The following TMEM268 variants were observed in gnomAD, a reference collection of about 807,000 sequenced individuals.
TMEM268 encodes transmembrane protein C9orf91.
A neutral mutation model predicts 39.1 loss-of-function variants in TMEM268; 24 were observed. The ratio of observed to expected loss-of-function variants is 0.61; its 90% CI spans 0.44 to 0.86. The LOEUF (loss-of-function observed/expected upper bound fraction) is 0.86, where lower values mean the gene tolerates loss of function less well. Ranked by LOEUF, TMEM268 falls within the 40% of genes least tolerant of loss-of-function variation. The pLI is 0.00. For synonymous variants in TMEM268, 176 were observed against 173.5 expected (o/e 1.01, Z -0.12); for missense variants, 409 against 428.6 (o/e 0.95, Z 0.40).
At chr9:114,639,123 G>A (rs973272209) in intron 8 of TMEM268, among the ~76,000 whole-genome samples, 1 of 151,980 alleles carries the variant, frequency 6.6e-6, no homozygotes, top group Non-Finnish European at 1.5e-5. Context: ...CAGTTAGACA[G>A]TTGACTCTTC....
chr9:114,624,635 C>T (rs748288427), intron 3 of TMEM268, among the ~76,000 whole-genome samples, 176 bp downstream of exon 3: 2 of 152,224 alleles, frequency 1.3e-5, no homozygotes, highest in Non-Finnish European at 2.9e-5. Context: ...GGTTAACTCA[C>T]TTAACAAATG....
intron 1 of TMEM268, among the ~76,000 whole-genome samples, chr9:114,612,082 G>GC (rs1845523083): frequency 6.6e-6 from 1 of 152,112 alleles, no homozygotes; most frequent in Non-Finnish European, 1.5e-5. Context: ...AGGTTTTTCC[G>GC]CCCCGAAACT....
intron 2 of TMEM268, among the ~76,000 whole-genome samples, chr9:114,621,278 G>A (rs1845934708): frequency 6.6e-6 from 1 of 151,772 alleles, no homozygotes; most frequent in Admixed American, 6.6e-5. Context: ...CTTGGGAGGT[G>A]GAGGTTGCAG....
At chr9:114,629,164 C>T (rs1399354358) in intron 5 of TMEM268, among the ~76,000 whole-genome samples, 1 of 152,204 alleles carries the variant, frequency 6.6e-6, no homozygotes, top group Non-Finnish European at 1.5e-5. Context: ...TGTTGGTTTT[C>T]CAAAGCTGCT....
In TMEM268 at chr9:114,626,934, T is replaced by C; in HGVS notation, c.252T>C (p.Ser84=). The part of the protein sequence containing the change: ...PADQYRSLAE[S]ALLEPQVRRY... Reference sequence around the variant, plus strand: ...ACCAGTACAGGAGCTTGGCTGAGAGTGCCCTCTTGGAGCCCCAAGTGAGAA... The same window carrying C: ...ACCAGTACAGGAGCTTGGCTGAGAGCGCCCTCTTGGAGCCCCAAGTGAGAA... Residue 84 remains serine (S), a synonymous_variant, in exon 4 of 9, where the codon AGT becomes AGC. Coordinates refer to ENST00000288502, the MANE Select transcript of TMEM268 (RefSeq NM_153045.4). 2 of 1,613,664 alleles carry C rather than the reference T, an allele frequency of 1.2e-6. No homozygotes were observed. Among genetic ancestry groups the C allele is most frequent in the South Asian group, 1.1e-5 (1 of 91,068 alleles).
chr9:114,610,270 C>T (rs1028846247), upstream of TMEM268, among the ~76,000 whole-genome samples: 1 of 152,184 alleles, frequency 6.6e-6, no homozygotes, highest in African/African-American at 2.4e-5. Flanking sequence ...AACTCCCGAC[C>T]TCAGGTAATC....
chr9:114,621,242 G>A (rs140449997), intron 2 of TMEM268, among the ~76,000 whole-genome samples: 4 of 152,080 alleles, frequency 2.6e-5, no homozygotes, highest in African/African-American at 9.6e-5. Context: ...TTACTTGGGA[G>A]GCTGACGTGG....
chr9:114,611,530 G>A lies in TMEM268; in HGVS notation c.-113G>A. On this transcript the variant is annotated 5_prime_UTR_variant, in exon 1 of 9. Transcript: ENST00000288502. ...GGCGCCCCCGACCTTCCGCGTCCCG[G>A]GGTGGCGGCGGCGGCGGCGGCGGCG... 1 of 135,234 alleles carries A rather than the reference G, an allele frequency of 7.4e-6. No homozygotes were observed. The highest frequency in any genetic ancestry group is 1.4e-5 in the Non-Finnish European group (1 of 71,190). 8.4% of individuals were successfully genotyped at this position (135,234 alleles called of 1,614,324 possible).
chr9:114,628,597 C>A (rs1353434949), intron 5 of TMEM268, among the ~76,000 whole-genome samples: 2 of 152,142 alleles, frequency 1.3e-5, no homozygotes, highest in Non-Finnish European at 2.9e-5. Context: ...GGGAGGATTA[C>A]TGAACCCACC....
the TMEM268 span, among the ~76,000 whole-genome samples, chr9:114,604,111 T>C: frequency 6.6e-6 from 1 of 152,160 alleles, no homozygotes; most frequent in Non-Finnish European, 1.5e-5. Context: ...GCAATCCGGC[T>C]TTTGCATCTG....
intron 6 of TMEM268, 128 bp downstream of exon 6, chr9:114,634,006 CA>C (rs1193699104): frequency 2.0e-5 from 10 of 495,124 alleles, no homozygotes; most frequent in Admixed American, 4.0e-5. Context: ...TGGCTGTTGG[CA>C]GCCCTTTCCT....
intron 6 of TMEM268, among the ~76,000 whole-genome samples, chr9:114,635,060 G>C (rs909514450): frequency 6.6e-6 from 1 of 152,200 alleles, no homozygotes. Context: ...TAAAGAATGG[G>C]CTGGGCGTGG....
upstream of TMEM268, among the ~76,000 whole-genome samples, chr9:114,607,263 T>C (rs934496929): frequency 6.6e-6 from 1 of 152,032 alleles, no homozygotes; most frequent in Non-Finnish European, 1.5e-5. Context: ...TGAACATGGG[T>C]AGAAACAGCC....
At chr9:114,635,446 G>A (rs928257516) in intron 6 of TMEM268, among the ~76,000 whole-genome samples, 5 of 152,150 alleles carry the variant, frequency 3.3e-5, no homozygotes, top group Admixed American at 6.5e-5. Context: ...GGAGGCTGAG[G>A]CAGGTGGATT....
intron 2 of TMEM268, among the ~76,000 whole-genome samples, chr9:114,620,475 C>T (rs1458282582): frequency 6.6e-6 from 1 of 152,096 alleles, no homozygotes; most frequent in African/African-American, 2.4e-5. Flanking sequence ...TCTCAACCTC[C>T]TGGGCTCAAG....
chr9:114,618,487 A>T (rs1216849292), intron 2 of TMEM268, among the ~76,000 whole-genome samples: 3 of 152,038 alleles, frequency 2.0e-5, no homozygotes, highest in Non-Finnish European at 4.4e-5. Flanking sequence ...CCTGGCCAAC[A>T]TGGTAAAACC....
intron 6 of TMEM268, among the ~76,000 whole-genome samples, chr9:114,636,241 G>C (rs923339264): frequency 6.6e-6 from 1 of 152,150 alleles, no homozygotes; most frequent in South Asian, 2.1e-4. Context: ...AGGCACAGGT[G>C]GGGTACGGAC....
intron 1 of TMEM268, among the ~76,000 whole-genome samples, chr9:114,615,872 A>G (rs111397270): frequency 0.069 from 10,435 of 150,338 alleles, 499 homozygotes; most frequent in South Asian, 0.14. Flanking sequence ...TGTATTTTTT[A>G]GGAGAGACGG....
intron 7 of TMEM268, among the ~76,000 whole-genome samples, chr9:114,638,144 C>T (rs138300057): frequency 6.6e-5 from 10 of 152,222 alleles, no homozygotes; most frequent in Admixed American, 2.6e-4. Context: ...CAGGTTCAAG[C>T]GATTCTCATG....
Sources: allele counts gnomAD v4.1 joint callset (sites outside exome capture counted in the v4.1 genomes callset), GRCh38; gene constraint gnomAD v4.1.1; transcripts MANE v1.5; gene names NCBI Gene and HGNC (gene_info 2026-07-23, HGNC 2026-07-21).